The following TAFA5 variants were observed in gnomAD, a reference collection of about 807,000 sequenced individuals.
TAFA5 encodes the protein TAFA chemokine like family member 5.
A neutral mutation model predicts 15.3 loss-of-function variants in TAFA5; 6 were observed. That is an observed-to-expected ratio of 0.39 (90% CI 0.21 to 0.77). The LOEUF (loss-of-function observed/expected upper bound fraction) is 0.77. Ranked by LOEUF, TAFA5 falls within the 30% of genes least tolerant of loss-of-function variation. The probability of loss-of-function intolerance (pLI) is 0.41; values close to 1 mark genes in which losing one functional copy is unlikely to be tolerated. For missense variants in TAFA5, 161 were observed against 193.1 expected (o/e 0.83, Z 0.98); for synonymous variants, 103 against 80.7 (o/e 1.28, Z -1.48).
At chr22:48,561,142 G>C (rs1448217469) in intron 1 of TAFA5, among the ~76,000 whole-genome samples, 1 of 152,134 alleles carries the variant, frequency 6.6e-6, no homozygotes, top group African/African-American at 2.4e-5. Context: ...AGGACAGAAA[G>C]GCCTCAGGGC....
At chr22:48,516,718 A>G (rs1334958157) in intron 1 of TAFA5, among the ~76,000 whole-genome samples, 2 of 152,050 alleles carry the variant, frequency 1.3e-5, no homozygotes, top group Admixed American at 1.3e-4. Flanking sequence ...CCAAATTTAG[A>G]TGGAGGAGAA....
rs541629695 is a variant in TAFA5, at chr22:48,495,169, C to T, written c.112+5465C>T. Among the ~76,000 whole-genome samples, 40 of 152,348 alleles carry T rather than the reference C, an allele frequency of 2.6e-4. No homozygotes were observed. The South Asian group carries it at 2.7e-3, about 10-fold the overall frequency. ...TCCGCTTTGGAGGGGCCTGGCTCTG[C>T]GGGTCTCCTTCCAGCACTGCTCGAA... On this transcript the variant is annotated intron_variant, in intron 1 of 3. Transcript: ENST00000402357.
intron 1 of TAFA5, among the ~76,000 whole-genome samples, chr22:48,644,866 G>A (rs1040766077): frequency 2.0e-5 from 3 of 152,214 alleles, no homozygotes; most frequent in East Asian, 1.9e-4. Flanking sequence ...GGCTTTCCTC[G>A]GAGTCACCTC....
chr22:48,577,540 C>T (rs1431346330), intron 1 of TAFA5, among the ~76,000 whole-genome samples: 3 of 152,222 alleles, frequency 2.0e-5, no homozygotes, highest in Non-Finnish European at 4.4e-5. Flanking sequence ...AGGCTGAGCA[C>T]CGGAGGGCGC....
chr22:48,713,449 A>T (rs1569090739), intron 3 of TAFA5, among the ~76,000 whole-genome samples: 1 of 152,170 alleles, frequency 6.6e-6, no homozygotes, highest in Non-Finnish European at 1.5e-5. Context: ...GCCTGCCAAA[A>T]TGCTGTCTCT....
chr22:48,573,181 C>T (rs1923647128), intron 1 of TAFA5, among the ~76,000 whole-genome samples: 1 of 152,170 alleles, frequency 6.6e-6, no homozygotes, highest in Admixed American at 6.5e-5. Flanking sequence ...GGCCAAGTGC[C>T]CTCCTGCCTG....
In TAFA5 at chr22:48,506,256, C is replaced by T. The variant is rs539618744; in HGVS notation, c.112+16552C>T. Among the ~76,000 whole-genome samples the T allele has an allele frequency of 7.2e-4, 109 of 152,358 alleles. 3 individuals carry two copies. Among genetic ancestry groups the T allele is most frequent in the Admixed American group, 2.2e-3 (34 of 15,302 alleles). ...CATGGAGGGAAGGCCCATGGCTGCT[C>T]TTTCAGCACAATCCGTGCAGCCTTA... On this transcript the variant is annotated intron_variant, in intron 1 of 3. Transcript: ENST00000402357.
intron 2 of TAFA5, among the ~76,000 whole-genome samples, chr22:48,684,829 G>A (rs1259864721): frequency 2.6e-5 from 4 of 152,170 alleles, no homozygotes; most frequent in Non-Finnish European, 2.9e-5. Flanking sequence ...CGCTGTGCCC[G>A]GCACTTACCT....
chr22:48,496,575 C>T (rs1441513503), intron 1 of TAFA5, among the ~76,000 whole-genome samples: 1 of 152,194 alleles, frequency 6.6e-6, no homozygotes, highest in Non-Finnish European at 1.5e-5. Flanking sequence ...CTGTGGGGGA[C>T]AGAGGAGGGC....
intron 1 of TAFA5, among the ~76,000 whole-genome samples, chr22:48,563,809 C>T (rs541544013): frequency 6.6e-6 from 1 of 152,332 alleles, no homozygotes; most frequent in African/African-American, 2.4e-5. Flanking sequence ...CAGGTGGCAG[C>T]GTCGACTCCA....
chr22:48,616,211 A>G (rs1478043361), intron 1 of TAFA5, among the ~76,000 whole-genome samples: 2 of 152,146 alleles, frequency 1.3e-5, no homozygotes, highest in African/African-American at 2.4e-5. Context: ...GCAGTCAGGC[A>G]GAGCTGGGGA....
intron 3 of TAFA5, among the ~76,000 whole-genome samples, chr22:48,740,996 G>T (rs1240895119): frequency 6.6e-6 from 1 of 152,176 alleles, no homozygotes; most frequent in Admixed American, 6.5e-5. Flanking sequence ...CGTCATCCCT[G>T]TAGGAAGTGG....
intron 1 of TAFA5, among the ~76,000 whole-genome samples, chr22:48,642,412 A>G (rs1236941512): frequency 6.6e-6 from 1 of 151,562 alleles, no homozygotes; most frequent in African/African-American, 2.4e-5. Flanking sequence ...ACAGCTCCTG[A>G]CTCCTGGTGG....
chr22:48,638,058 G>T (rs1279680208), intron 1 of TAFA5, among the ~76,000 whole-genome samples: 2 of 152,198 alleles, frequency 1.3e-5, no homozygotes, highest in East Asian at 3.9e-4. Context: ...CACACCTTGA[G>T]ATTCTCAGTG....
chr22:48,548,570 G>T (rs915253648), intron 1 of TAFA5, among the ~76,000 whole-genome samples: 1 of 152,182 alleles, frequency 6.6e-6, no homozygotes, highest in Non-Finnish European at 1.5e-5. Context: ...CTCTGGGGCA[G>T]GGGAGTGGAC....
chr22:48,693,466 C>T, intron 2 of TAFA5: 2 of 1,587,398 alleles, frequency 1.3e-6, no homozygotes, highest in Non-Finnish European at 8.6e-7. Flanking sequence ...GGCTGTGACT[C>T]AACCATGGGT....
At chr22:48,492,677 G>C (rs999677853) in intron 1 of TAFA5, among the ~76,000 whole-genome samples, 1 of 152,184 alleles carries the variant, frequency 6.6e-6, no homozygotes, top group Non-Finnish European at 1.5e-5. Flanking sequence ...GGGGAAAGGG[G>C]CCCTGGATGG....
Position 48,707,781 on chromosome 22 carries a change from C to T in TAFA5, c.327C>T (p.Asp109=). The change falls in exon 3 of 4, where the codon GAC becomes GAT. Residue 109 remains aspartate (D), a synonymous_variant. Coordinates refer to ENST00000402357, the MANE Select transcript of TAFA5 (RefSeq NM_001082967.3). ...CGTGTCTGGAGGGGGAAGGCTGCGA[C>T]TTGTTAATCAACCGGTCAGGCTGGA... ...MLPCLEGEGC[D]LLINRSGWTC... The T allele has an allele frequency of 6.2e-7, 1 of 1,613,942 alleles. No homozygotes were observed. The highest frequency in any genetic ancestry group is 2.2e-5 in the East Asian group (1 of 44,872).
intron 1 of TAFA5, among the ~76,000 whole-genome samples, chr22:48,557,628 T>C (rs1923086840): frequency 6.6e-6 from 1 of 152,154 alleles, no homozygotes; most frequent in Admixed American, 6.5e-5. Flanking sequence ...TGAAAGCTGG[T>C]AGCTAAGGCT....
Sources: allele counts gnomAD v4.1 joint callset (sites outside exome capture counted in the v4.1 genomes callset), GRCh38; gene constraint gnomAD v4.1.1; transcripts MANE v1.5; gene names NCBI Gene and HGNC (gene_info 2026-07-23, HGNC 2026-07-21).